The following FNDC3A variants were observed in gnomAD, a reference collection of about 807,000 sequenced individuals.
FNDC3A encodes fibronectin type III domain containing 3A.
Under a neutral mutation model 148.9 loss-of-function variants are expected in FNDC3A, and 32 were observed. That is an observed-to-expected ratio of 0.21 (90% CI 0.16 to 0.29). FNDC3A has a LOEUF of 0.29. Among genes scored for constraint, FNDC3A ranks in the 10% least tolerant of loss-of-function variants. The pLI is 1.00. For missense variants in FNDC3A, 1,191 were observed against 1,452.8 expected, an observed-to-expected ratio of 0.82 and a Z score of 2.93; for synonymous variants, 472 against 473.6, an observed-to-expected ratio of 1.00 and a Z score of 0.04.
intron 3 of FNDC3A, among the ~76,000 whole-genome samples, chr13:49,103,364 A>G (rs1879977308): frequency 6.6e-6 from 1 of 152,264 alleles, no homozygotes; most frequent in Admixed American, 6.5e-5. Flanking sequence ...TGGTTCACAC[A>G]GTATTGACAA....
chr13:49,167,921 T>C (rs1884560207), intron 9 of FNDC3A, among the ~76,000 whole-genome samples: 1 of 152,220 alleles, frequency 6.6e-6, no homozygotes, highest in Non-Finnish European at 1.5e-5. Flanking sequence ...AAAATAATTA[T>C]AAATATTTTG....
chr13:49,199,824 A>C (rs930256202), intron 23 of FNDC3A, among the ~76,000 whole-genome samples: 5 of 152,110 alleles, frequency 3.3e-5, no homozygotes, highest in Non-Finnish European at 7.4e-5. Flanking sequence ...ACTGTTGCTA[A>C]TCTTTGCTAA....
chr13:49,160,991 G>T (rs572450312), intron 8 of FNDC3A, among the ~76,000 whole-genome samples: 123 of 152,286 alleles, frequency 8.1e-4, no homozygotes, highest in South Asian at 7.2e-3. Flanking sequence ...GAGACAGTTT[G>T]TTATAATTTC....
At chr13:49,104,565 A>G (rs1255498569) in intron 3 of FNDC3A, among the ~76,000 whole-genome samples, 1 of 152,034 alleles carries the variant, frequency 6.6e-6, no homozygotes, top group East Asian at 1.9e-4. Context: ...AAGAAAAGAA[A>G]TGTGATTTTG....
At chr13:49,199,290 AGAT>A (rs1886309806) in intron 23 of FNDC3A, among the ~76,000 whole-genome samples, 1 of 150,638 alleles carries the variant, frequency 6.6e-6, no homozygotes, top group South Asian at 2.1e-4. Context: ...CTGAGTGCTG[AGAT>A]TACAACTCAT....
chr13:49,201,235 G>T, intron 23 of FNDC3A: 1 of 189,398 alleles, frequency 5.3e-6, no homozygotes, highest in Non-Finnish European at 1.1e-5. Context: ...AGTGGGTAAT[G>T]TATTGGAAAT....
intron 8 of FNDC3A, among the ~76,000 whole-genome samples, chr13:49,162,670 T>TA (rs1884216773): frequency 6.6e-6 from 1 of 152,222 alleles, no homozygotes; most frequent in African/African-American, 2.4e-5. Flanking sequence ...GGAGCTGTGA[T>TA]ACTTGGAGGA....
chr13:49,006,492 T>G (rs1227256812), intron 2 of FNDC3A, among the ~76,000 whole-genome samples: 2 of 152,010 alleles, frequency 1.3e-5, no homozygotes, highest in African/African-American at 4.8e-5. Flanking sequence ...AATGGTCAAA[T>G]TTCTTATGTG....
chr13:49,065,703 T>C (rs902631514), intron 2 of FNDC3A, among the ~76,000 whole-genome samples: 2 of 152,208 alleles, frequency 1.3e-5, no homozygotes, highest in Non-Finnish European at 1.5e-5. Flanking sequence ...GGTTTTATGA[T>C]TAAACATGAT....
intron 3 of FNDC3A, 112 bp from the exon 4 acceptor site, chr13:49,114,543 T>C (rs1005327031): frequency 3.0e-6 from 2 of 665,272 alleles, no homozygotes; most frequent in African/African-American, 3.6e-5. Context: ...AAAATGTAGT[T>C]ACTGTTGGCT....
intron 14 of FNDC3A, among the ~76,000 whole-genome samples, chr13:49,179,025 C>A (rs764992501): frequency 1.3e-5 from 2 of 152,228 alleles, no homozygotes; most frequent in Non-Finnish European, 2.9e-5. Flanking sequence ...CTGCACCCAA[C>A]CTCTATTCTT....
upstream of FNDC3A, chr13:48,975,642 G>A (rs1202193479): frequency 6.6e-6 from 1 of 152,228 alleles, no homozygotes; most frequent in East Asian, 1.9e-4. Flanking sequence ...CTTTTCCTGA[G>A]TGTAGCTCCG....
intron 14 of FNDC3A, among the ~76,000 whole-genome samples, chr13:49,181,763 AT>A (rs142675193): frequency 0.019 from 2,848 of 152,238 alleles, 88 homozygotes; most frequent in African/African-American, 0.063. Context: ...CAAAAAAAAA[AT>A]AATCCAGGAA....
At chr13:49,159,846 A>G (rs188976733) in intron 8 of FNDC3A, among the ~76,000 whole-genome samples, 102 of 152,314 alleles carry the variant, frequency 6.7e-4, no homozygotes, top group African/African-American at 2.1e-3. Context: ...AATTTTGTCA[A>G]AGGCCTTTTT....
chr13:49,159,809 C>G (rs577884817), intron 8 of FNDC3A, among the ~76,000 whole-genome samples: 9 of 152,218 alleles, frequency 5.9e-5, no homozygotes, highest in African/African-American at 1.9e-4. Context: ...CTAGTTTATT[C>G]AGAGTTTTTA....
chr13:49,199,232 A>G (rs1886306252), intron 23 of FNDC3A, among the ~76,000 whole-genome samples: 1 of 151,748 alleles, frequency 6.6e-6, no homozygotes, highest in South Asian at 2.1e-4. Flanking sequence ...TGTCGCTCAC[A>G]CTGGTCTCGA....
At chr13:49,182,557 T>G (rs1343014779) in intron 14 of FNDC3A, among the ~76,000 whole-genome samples, 1 of 152,092 alleles carries the variant, frequency 6.6e-6, no homozygotes, top group Non-Finnish European at 1.5e-5. Context: ...CTTTTTTTTT[T>G]TCCAGTCCCC....
intron 1 of FNDC3A, among the ~76,000 whole-genome samples, chr13:48,991,741 T>A (rs1407256780): frequency 6.6e-6 from 1 of 152,064 alleles, no homozygotes; most frequent in Non-Finnish European, 1.5e-5. Context: ...GAATATATGC[T>A]GGAACTGCAA....
rs561250772 is a variant in FNDC3A at position 49,207,486 on chromosome 13, T to A, written c.*91T>A. The A allele has an allele frequency of 2.0e-5, 17 of 841,590 alleles. No individual in the cohort carries two copies. In the East Asian group the frequency reaches 4.3e-4, roughly 21 times the overall value. 52.1% of individuals were successfully genotyped at this position (841,590 alleles called of 1,614,324 possible). On this transcript the variant is annotated 3_prime_UTR_variant, in exon 26 of 26. Transcript: ENST00000492622. The stretch of plus-strand genomic sequence containing the variant: ...TTGCTTTTATAAAAAACAGTGGCAT[T>A]TAGCACTGGCATTGAGACTATAGCA...
Sources: allele counts gnomAD v4.1 joint callset (sites outside exome capture counted in the v4.1 genomes callset), GRCh38; gene constraint gnomAD v4.1.1; transcripts MANE v1.5; gene names NCBI Gene and HGNC (gene_info 2026-07-23, HGNC 2026-07-21).